ST6GALNAC1: variants seen among roughly 807,000 people sequenced by gnomAD.
The protein encoded by ST6GALNAC1 is alpha-N-acetylgalactosaminide alpha-2,6-sialyltransferase 1.
Under a neutral mutation model 56.8 loss-of-function variants are expected in ST6GALNAC1, and 45 were observed. The ratio of observed to expected loss-of-function variants is 0.79; its 90% confidence interval spans 0.62 to 1.02. The LOEUF (loss-of-function observed/expected upper bound fraction) is 1.02. ST6GALNAC1 is among the 50% of genes least tolerant of loss of function. The probability of loss-of-function intolerance (pLI) is 0.00; values close to 1 mark genes in which losing one functional copy is unlikely to be tolerated. For missense variants in ST6GALNAC1, 743 were observed against 754.8 expected (o/e 0.98, Z 0.18); for synonymous variants, 295 against 297.8 (o/e 0.99, Z 0.10).
At chr17:76,619,888 C>T (rs879605821), downstream of ST6GALNAC1, among the ~76,000 whole-genome samples, 2 of 151,776 alleles carry the variant, frequency 1.3e-5, no homozygotes, top group Non-Finnish European at 2.9e-5. Flanking sequence ...GGATTACAGG[C>T]ATGCACCGCC....
At chr17:76,622,793 C>G (rs1001701896), downstream of ST6GALNAC1, among the ~76,000 whole-genome samples, 10 of 111,208 alleles carry the variant, frequency 9.0e-5, no homozygotes, top group African/African-American at 3.2e-4. Context: ...GAACTCTTGT[C>G]ATTTCTTTTT....
the ST6GALNAC1 span, among the ~76,000 whole-genome samples, chr17:76,617,968 C>T: frequency 0.83 from 125,935 of 152,170 alleles, 53,307 homozygotes; most frequent in South Asian, 0.93. Flanking sequence ...GGTCAAGGGA[C>T]CCGCATGCTG....
Position 76,627,412 on chromosome 17 carries a change from C to T in ST6GALNAC1, c.1000+3G>A, listed in dbSNP as rs779304477. 2.5e-6 allele frequency: 4 copies of T among 1,614,074 alleles called. No individual in the cohort carries two copies. The highest frequency in any genetic ancestry group is 1.7e-5 in the Admixed American group (1 of 60,016). ...CACACCTTCCCCTGGGTTAAGGACT[C>T]ACAGGAGTAGTTGAGCTCCATGAAG... On this transcript the variant is annotated splice_donor_region_variant and intron_variant, in intron 3 of 8. Coordinates refer to ENST00000156626, the MANE Select transcript of ST6GALNAC1 (RefSeq NM_018414.5). This position sits in a 1 kb window ranked among gnomAD's most constrained non-coding sequence, Gnocchi z 4.4.
chr17:76,640,142 A>G (rs918669357), intron 1 of ST6GALNAC1, among the ~76,000 whole-genome samples: 1 of 151,966 alleles, frequency 6.6e-6, no homozygotes, highest in Non-Finnish European at 1.5e-5. Context: ...GTCCCCAAAC[A>G]CTGTTCTGGA....
intron 1 of ST6GALNAC1, chr17:76,637,854 CAG>C (rs796823340): frequency 2.5e-6 from 1 of 393,238 alleles, no homozygotes. Context: ...TTTTTGGACA[CAG>C]AGTCTCACTC....
chr17:76,625,165 T>G lies in ST6GALNAC1; in HGVS notation c.*165A>C. Reference sequence around the variant, plus strand: ...GAACTTCAGAACCTCAATTAGCCATTTGCCATCTTGAGAGAGTCTTGTCCA... The same window carrying G: ...GAACTTCAGAACCTCAATTAGCCATGTGCCATCTTGAGAGAGTCTTGTCCA... On this transcript the variant is annotated 3_prime_UTR_variant, in exon 9 of 9. Coordinates refer to ENST00000156626, the MANE Select transcript of ST6GALNAC1 (RefSeq NM_018414.5). 1 of 697,036 alleles carries G rather than the reference T, an allele frequency of 1.4e-6. No homozygotes were observed. The highest frequency in any genetic ancestry group is 2.4e-6 in the Non-Finnish European group (1 of 425,046). 43.2% of individuals were successfully genotyped at this position (697,036 alleles called of 1,614,324 possible).
intron 4 of ST6GALNAC1, 48 bp downstream of exon 4, chr17:76,626,998 AGGGGCTGGAGGGGGGCTGGAG>A: frequency 1.0e-6 from 1 of 969,238 alleles, no homozygotes; most frequent in Non-Finnish European, 1.2e-6. Flanking sequence ...GGGGCAAGAG[AGGGGCTGGAGGGGGGCTGGAG>A]GGGGCAGGAG....
chr17:76,630,554 C>A (rs2075877440), intron 1 of ST6GALNAC1, among the ~76,000 whole-genome samples: 1 of 151,824 alleles, frequency 6.6e-6, no homozygotes, highest in African/African-American at 2.4e-5. Flanking sequence ...TTCCTCCTTA[C>A]CTCCCAGGGA....
At chr17:76,643,239 A>G (rs1194139724) in intron 1 of ST6GALNAC1, among the ~76,000 whole-genome samples, 2 of 152,204 alleles carry the variant, frequency 1.3e-5, no homozygotes, top group Non-Finnish European at 2.9e-5. Context: ...TGCAGACCTA[A>G]CCCATCAGTT....
At position 76,625,931 on chromosome 17, in the gene ST6GALNAC1, C is replaced by A; in HGVS notation, c.1506-13G>T. ...AGACCTCAGAAACCTGTGAAATGCC[C>A]CAAACCCCCAACTGTCAGGAGGCTG... is the stretch of plus-strand genomic sequence containing the variant. On this transcript the variant is annotated splice_polypyrimidine_tract_variant and intron_variant, in intron 7 of 8. Transcript: ENST00000156626. 1 of 1,593,736 alleles carries A rather than the reference C, an allele frequency of 6.3e-7. No homozygotes were observed. Among genetic ancestry groups the A allele is most frequent in the South Asian group, 1.2e-5 (1 of 86,802 alleles).
chr17:76,622,728 T>C (rs1160786506), downstream of ST6GALNAC1, among the ~76,000 whole-genome samples: 1 of 152,154 alleles, frequency 6.6e-6, no homozygotes, highest in East Asian at 1.9e-4. Context: ...TGAGTCCTAG[T>C]TAGAAATCTT....
At chr17:76,617,450 G>A in the ST6GALNAC1 span, among the ~76,000 whole-genome samples, 1 of 152,160 alleles carries the variant, frequency 6.6e-6, no homozygotes, top group Non-Finnish European at 1.5e-5. Flanking sequence ...TAGCAGGGGA[G>A]TTACTGGCTC....
intron 2 of ST6GALNAC1, among the ~76,000 whole-genome samples, chr17:76,628,654 G>C (rs933935453): frequency 6.6e-6 from 1 of 152,140 alleles, no homozygotes; most frequent in Non-Finnish European, 1.5e-5. Flanking sequence ...CAGCCCCCGC[G>C]AGAGGATGGG....
At chr17:76,639,367 G>A (rs1311870862) in intron 1 of ST6GALNAC1, among the ~76,000 whole-genome samples, 1 of 152,120 alleles carries the variant, frequency 6.6e-6, no homozygotes, top group Non-Finnish European at 1.5e-5. Flanking sequence ...CTTGAGGCCA[G>A]GAGTTCAAGA....
At position 76,627,594 on chromosome 17, in the gene ST6GALNAC1, G is replaced by A; in HGVS notation, c.832-11C>T. The A allele has an allele frequency of 6.2e-7, 1 of 1,613,188 alleles. No individual in the cohort carries two copies. The highest frequency in any genetic ancestry group is 8.5e-7 in the Non-Finnish European group (1 of 1,179,578). On this transcript the variant is annotated splice_polypyrimidine_tract_variant and intron_variant, in intron 2 of 8. Coordinates refer to ENST00000156626, the MANE Select transcript of ST6GALNAC1 (RefSeq NM_018414.5). The surrounding 1 kb of genome is among the most constrained non-coding windows in gnomAD (Gnocchi z 4.4). Reference sequence around the variant, plus strand: ...AGAGTCAGGGCAAGTCTATATACAGGAGGACGAAGTCAGGAAGGGAGAGAC... The same window carrying A: ...AGAGTCAGGGCAAGTCTATATACAGAAGGACGAAGTCAGGAAGGGAGAGAC...
chr17:76,635,414 C>T (rs1232757216), intron 1 of ST6GALNAC1, among the ~76,000 whole-genome samples: 3 of 151,982 alleles, frequency 2.0e-5, no homozygotes, highest in Admixed American at 6.6e-5. Context: ...CTGAAGCAGG[C>T]GGATCACTTG....
rs1052824021 is a variant in ST6GALNAC1, at chr17:76,627,688, G to A, written c.832-105C>T. Reference sequence around the variant, plus strand: ...CTGGGGCTCGCAGTTTGGAAGGCGCGGCCTCTGCTACCTCTTCCATTCTGT... The same window carrying A: ...CTGGGGCTCGCAGTTTGGAAGGCGCAGCCTCTGCTACCTCTTCCATTCTGT... On this transcript the variant is annotated intron_variant, in intron 2 of 8. Transcript: ENST00000156626. The surrounding 1 kb of genome is among the most constrained non-coding windows in gnomAD (Gnocchi z 4.4). 19 of 1,029,108 alleles carry A rather than the reference G, an allele frequency of 1.8e-5. No homozygotes were observed. The highest frequency in any genetic ancestry group is 8.0e-5 in the African/African-American group (5 of 62,574). 63.7% of individuals were successfully genotyped at this position (1,029,108 alleles called of 1,614,324 possible).
At chr17:76,641,884 A>T (rs2076052329) in intron 1 of ST6GALNAC1, 4 of 152,100 alleles carry the variant, frequency 2.6e-5, no homozygotes, top group Admixed American at 2.6e-4. Context: ...TCCATGATAT[A>T]GTGTGACTTA....
intron 4 of ST6GALNAC1, 126 bp downstream of exon 4, chr17:76,626,941 G>A (rs574657816): frequency 1.8e-5 from 26 of 1,459,222 alleles, no homozygotes; most frequent in African/African-American, 5.6e-5. Flanking sequence ...AGATGCAGGC[G>A]TGGAACATCC....
Sources: allele counts gnomAD v4.1 joint callset (sites outside exome capture counted in the v4.1 genomes callset), GRCh38; gene constraint gnomAD v4.1.1; non-coding constraint Gnocchi (gnomAD v3.1); transcripts MANE v1.5; gene names NCBI Gene and HGNC (gene_info 2026-07-23, HGNC 2026-07-21).